The following ADAMTS18 variants were observed in gnomAD, a reference collection of about 807,000 sequenced individuals.
ADAMTS18 encodes ADAM metallopeptidase with thrombospondin type 1 motif 18.
In ADAMTS18, 157 loss-of-function variants were observed where a neutral mutation model predicts 165.9. That is an observed-to-expected ratio of 0.95 (90% confidence interval 0.83 to 1.08). The LOEUF is 1.08. Ranked by LOEUF, ADAMTS18 falls within the 50% of genes least tolerant of loss-of-function variation. The pLI is 0.00. For synonymous variants in ADAMTS18, 782 were observed against 578.2 expected (o/e 1.35, Z -5.06); for missense variants, 2,040 against 1,534.0 (o/e 1.33, Z -5.51).
intron 22 of ADAMTS18, among the ~76,000 whole-genome samples, chr16:77,287,422 C>T (rs1036264735): frequency 3.3e-5 from 5 of 152,228 alleles, no homozygotes; most frequent in South Asian, 2.1e-4. Context: ...AGAACAAACA[C>T]GTGGGCTCGT....
chr16:77,360,636 A>G (rs2056699003), intron 7 of ADAMTS18, among the ~76,000 whole-genome samples: 1 of 152,244 alleles, frequency 6.6e-6, no homozygotes, highest in South Asian at 2.1e-4. Context: ...TCAGAATATG[A>G]ATGGATATAT....
chr16:77,348,653 G>T (rs1253368953), intron 10 of ADAMTS18, among the ~76,000 whole-genome samples: 1 of 152,222 alleles, frequency 6.6e-6, no homozygotes. Context: ...GGTTATCACT[G>T]TAAGCCCAAT....
At chr16:77,358,970 T>C (rs891133) in intron 8 of ADAMTS18, among the ~76,000 whole-genome samples, 80,808 of 152,024 alleles carry the variant, frequency 0.53, 21,998 homozygotes, top group Non-Finnish European at 0.59. Context: ...CCATTATACT[T>C]TGGGAATTAA....
At chr16:77,409,919 T>A (rs755322529) in intron 3 of ADAMTS18, among the ~76,000 whole-genome samples, 41 of 152,152 alleles carry the variant, frequency 2.7e-4, no homozygotes, top group Non-Finnish European at 5.6e-4. Flanking sequence ...CTGCTAATAT[T>A]ACCGTACTAG....
chr16:77,287,966 G>GAGGTATATA (rs1313988618), intron 22 of ADAMTS18, among the ~76,000 whole-genome samples: 1 of 152,156 alleles, frequency 6.6e-6, no homozygotes, highest in Admixed American at 6.5e-5. Context: ...AAGAGTGCTG[G>GAGGTATATA]AGGTATATAA....
At chr16:77,319,037 G>C (rs896609964) in intron 16 of ADAMTS18, among the ~76,000 whole-genome samples, 2 of 152,122 alleles carry the variant, frequency 1.3e-5, no homozygotes, top group Admixed American at 6.5e-5. Flanking sequence ...AGATATGTTG[G>C]TTCTTTTAAT....
intron 3 of ADAMTS18, among the ~76,000 whole-genome samples, chr16:77,389,732 CA>C (rs944856164): frequency 1.3e-5 from 2 of 152,076 alleles, no homozygotes; most frequent in Non-Finnish European, 2.9e-5. Flanking sequence ...GCCAAGTGAA[CA>C]AAGAGAGAAT....
chr16:77,380,909 T>G (rs1307439749), intron 3 of ADAMTS18, among the ~76,000 whole-genome samples: 5 of 152,180 alleles, frequency 3.3e-5, no homozygotes, highest in African/African-American at 9.7e-5. Context: ...GGTCTTGCTC[T>G]GTCACCCATG....
chr16:77,419,628 C>G (rs1024533265), intron 3 of ADAMTS18, among the ~76,000 whole-genome samples: 4 of 152,136 alleles, frequency 2.6e-5, no homozygotes, highest in African/African-American at 9.7e-5. Flanking sequence ...ATGGTTACAT[C>G]TGCAAAAACT....
At chr16:77,344,459 G>C (rs1402156757) in intron 10 of ADAMTS18, among the ~76,000 whole-genome samples, 1 of 152,086 alleles carries the variant, frequency 6.6e-6, no homozygotes, top group Non-Finnish European at 1.5e-5. Context: ...CTCAGTTTGA[G>C]GGAAATCAAT....
chr16:77,398,319 AAACAAC>A (rs143795076), intron 3 of ADAMTS18, among the ~76,000 whole-genome samples: 25 of 151,070 alleles, frequency 1.7e-4, no homozygotes, highest in Admixed American at 1.3e-4. Context: ...TCTGTCTCAA[AAACAAC>A]AACAACAACA....
At chr16:77,360,146 T>C (rs561712806) in intron 7 of ADAMTS18, among the ~76,000 whole-genome samples, 2 of 152,302 alleles carry the variant, frequency 1.3e-5, no homozygotes, top group Non-Finnish European at 2.9e-5. Flanking sequence ...TGTGAATGGA[T>C]TGTACCCACT....
intron 3 of ADAMTS18, among the ~76,000 whole-genome samples, chr16:77,407,667 A>G (rs1331626117): frequency 6.6e-6 from 1 of 152,096 alleles, no homozygotes; most frequent in Non-Finnish European, 1.5e-5. Flanking sequence ...TATGACAAGT[A>G]TCAGCTAGCA....
intron 10 of ADAMTS18, among the ~76,000 whole-genome samples, chr16:77,344,296 C>A (rs143576642): frequency 6.6e-6 from 1 of 151,878 alleles, no homozygotes; most frequent in African/African-American, 2.4e-5. Flanking sequence ...GATGTGGGCA[C>A]GTGTACCATT....
chr16:77,296,007 A>T lies in ADAMTS18; in HGVS notation c.2802-880T>A, dbSNP rs199633233. On this transcript the variant is annotated intron_variant, in intron 18 of 22. Transcript: ENST00000282849. ...CACTATTATTTACAAGAAAAAAAAA[A>T]GTGTGTGTGTGTATATATATATACA... Among the ~76,000 whole-genome samples the T allele has an allele frequency of 4.2e-4, 61 of 146,970 alleles. 1 individual carries two copies. Among genetic ancestry groups the T allele is most frequent in the Admixed American group, 1.6e-3 (23 of 14,830 alleles).
intron 7 of ADAMTS18, among the ~76,000 whole-genome samples, chr16:77,360,988 A>C (rs1430427799): frequency 6.6e-6 from 1 of 152,196 alleles, no homozygotes; most frequent in Non-Finnish European, 1.5e-5. Context: ...CTGGAGGCTG[A>C]GGCAGGAGAA....
intron 22 of ADAMTS18, 21 bp downstream of exon 22, chr16:77,289,243 T>G (rs1297874323): frequency 6.2e-7 from 1 of 1,614,034 alleles, no homozygotes; most frequent in Non-Finnish European, 8.5e-7. Context: ...TAAAGTTGAC[T>G]GGAGCATGGT....
At chr16:77,310,900 T>G (rs2055767634) in intron 16 of ADAMTS18, among the ~76,000 whole-genome samples, 1 of 152,202 alleles carries the variant, frequency 6.6e-6, no homozygotes, top group African/African-American at 2.4e-5. Context: ...AGTGCTGGAA[T>G]TTTTGCACCT....
chr16:77,425,220 G>C (rs1401032245), intron 3 of ADAMTS18, among the ~76,000 whole-genome samples: 1 of 152,208 alleles, frequency 6.6e-6, no homozygotes, highest in Non-Finnish European at 1.5e-5. Flanking sequence ...AGTGCAGCCA[G>C]CCATGGGGGA....
Sources: allele counts gnomAD v4.1 joint callset (sites outside exome capture counted in the v4.1 genomes callset), GRCh38; gene constraint gnomAD v4.1.1; transcripts MANE v1.5; gene names NCBI Gene and HGNC (gene_info 2026-07-23, HGNC 2026-07-21).